The following GPHN variants were observed in gnomAD, a reference collection of about 807,000 sequenced individuals.
GPHN encodes the protein gephyrin.
In GPHN, 17 loss-of-function variants were observed where a neutral mutation model predicts 95.5. The observed-to-expected ratio is 0.18, with a 90% confidence interval of 0.12 to 0.27. The LOEUF (loss-of-function observed/expected upper bound fraction) is 0.27, where lower values mean the gene tolerates loss of function less well. GPHN is among the 10% of genes least tolerant of loss of function. GPHN has a pLI of 1.00. For synonymous variants in GPHN, 320 were observed against 322.5 expected, an observed-to-expected ratio of 0.99 and a Z score of 0.08; for missense variants, 660 against 978.1, an observed-to-expected ratio of 0.67 and a Z score of 4.34.
chr14:66,751,073 T>G (rs537585250), intron 2 of GPHN, among the ~76,000 whole-genome samples: 1 of 152,044 alleles, frequency 6.6e-6, no homozygotes, highest in African/African-American at 2.4e-5. Context: ...TTGAAAAAAT[T>G]TTAGTACTTA....
At chr14:67,543,083 C>G in the GPHN span, among the ~76,000 whole-genome samples, 1 of 152,202 alleles carries the variant, frequency 6.6e-6, no homozygotes, top group Non-Finnish European at 1.5e-5. Context: ...TGAAGACCTG[C>G]ACTTAAAATT....
intron 21 of GPHN, among the ~76,000 whole-genome samples, chr14:67,176,126 G>A (rs1052404715): frequency 6.6e-6 from 1 of 152,200 alleles, no homozygotes; most frequent in Non-Finnish European, 1.5e-5. Context: ...GAATAGGAAT[G>A]GTGAGAGAGG....
At chr14:67,633,831 A>G in the GPHN span, among the ~76,000 whole-genome samples, 1 of 152,122 alleles carries the variant, frequency 6.6e-6, no homozygotes, top group Middle Eastern at 3.2e-3. Flanking sequence ...CTCAGTAAGC[A>G]TTTCTTCCTC....
the GPHN span, among the ~76,000 whole-genome samples, chr14:67,635,726 A>T: frequency 6.6e-6 from 1 of 152,064 alleles, no homozygotes; most frequent in Non-Finnish European, 1.5e-5. Context: ...GGTGGCAGGC[A>T]CCTGTAATAC....
the GPHN span, chr14:67,692,296 A>G: frequency 5.0e-6 from 4 of 794,880 alleles, no homozygotes; most frequent in Admixed American, 5.1e-5. Flanking sequence ...ATTGTGTCCC[A>G]GTGACTATGA....
the GPHN span, chr14:67,335,884 C>G: frequency 6.6e-6 from 1 of 152,238 alleles, no homozygotes; most frequent in African/African-American, 2.4e-5. Context: ...AGACCACCCT[C>G]CTCTTCAAGT....
chr14:67,670,147 C>CA, the GPHN span, among the ~76,000 whole-genome samples: 4 of 152,144 alleles, frequency 2.6e-5, no homozygotes, highest in Admixed American at 6.5e-5. Flanking sequence ...AGGCTCTTAA[C>CA]ACAGTCCCCT....
the GPHN span, among the ~76,000 whole-genome samples, chr14:67,622,674 A>G: frequency 6.6e-6 from 1 of 152,228 alleles, no homozygotes; most frequent in Non-Finnish European, 1.5e-5. Flanking sequence ...TTTTAAAAGA[A>G]TCATTTTACA....
intron 1 of GPHN, among the ~76,000 whole-genome samples, chr14:66,668,788 TAAAAA>T (rs1007522717): frequency 4.6e-5 from 7 of 151,530 alleles, no homozygotes; most frequent in African/African-American, 1.5e-4. Flanking sequence ...CCCGTGAACT[TAAAAA>T]AGAAAAAGTG....
At chr14:67,137,044 C>A (rs1468245426) in intron 17 of GPHN, among the ~76,000 whole-genome samples, 1 of 152,082 alleles carries the variant, frequency 6.6e-6, no homozygotes, top group Non-Finnish European at 1.5e-5. Flanking sequence ...GTAATCCCAG[C>A]TACTTGGGTG....
chr14:66,985,598 T>C (rs777383065), intron 9 of GPHN: 2 of 806,944 alleles, frequency 2.5e-6, no homozygotes, highest in Non-Finnish European at 4.1e-6. Context: ...TGTTTTTGCA[T>C]GTATTACTTA....
chr14:67,279,155 G>T, the GPHN span: 2 of 1,551,182 alleles, frequency 1.3e-6, no homozygotes, highest in African/African-American at 2.8e-5. Flanking sequence ...AGTGGTACAG[G>T]TTTTCATAGA....
At chr14:67,088,383 G>T (rs2076995415) in intron 11 of GPHN, among the ~76,000 whole-genome samples, 1 of 152,058 alleles carries the variant, frequency 6.6e-6, no homozygotes, top group South Asian at 2.1e-4. Context: ...ATATGCTGCA[G>T]ATTTGACTTT....
the GPHN span, among the ~76,000 whole-genome samples, chr14:67,704,978 G>A: frequency 7.2e-5 from 11 of 152,210 alleles, no homozygotes; most frequent in Non-Finnish European, 1.5e-4. Context: ...GTTGGAAGCA[G>A]GTCTAGGTAG....
At chr14:67,508,134 T>C in the GPHN span, among the ~76,000 whole-genome samples, 3 of 43,864 alleles carry the variant, frequency 6.8e-5, no homozygotes, top group African/African-American at 1.7e-4. Flanking sequence ...AAACTCCATC[T>C]CAAAAAAAAA....
chr14:66,953,239 G>C (rs1426362161), intron 8 of GPHN, among the ~76,000 whole-genome samples: 1 of 147,638 alleles, frequency 6.8e-6, no homozygotes, highest in African/African-American at 2.6e-5. Context: ...GACTCTATCA[G>C]AGATATGATT....
the GPHN span, among the ~76,000 whole-genome samples, chr14:67,225,851 A>G: frequency 6.6e-6 from 1 of 152,154 alleles, no homozygotes; most frequent in African/African-American, 2.4e-5. Context: ...ACCCAGTAGC[A>G]CAGAAAGAGT....
At chr14:66,799,961 T>TTGTA (rs945332676) in intron 3 of GPHN, among the ~76,000 whole-genome samples, 7 of 152,030 alleles carry the variant, frequency 4.6e-5, no homozygotes, top group Non-Finnish European at 1.0e-4. Flanking sequence ...TTTCTCTCCA[T>TTGTA]TGTATGTTTT....
the GPHN span, among the ~76,000 whole-genome samples, chr14:67,693,755 C>T: frequency 6.6e-6 from 1 of 151,516 alleles, no homozygotes; most frequent in Admixed American, 6.6e-5. Flanking sequence ...CAACCCCCAT[C>T]TCCCAGGTTC....
Sources: allele counts gnomAD v4.1 joint callset (sites outside exome capture counted in the v4.1 genomes callset), GRCh38; gene constraint gnomAD v4.1.1; transcripts MANE v1.5; gene names NCBI Gene and HGNC (gene_info 2026-07-23, HGNC 2026-07-21).